ADAM19: variants seen among roughly 807,000 people sequenced by gnomAD.
ADAM19 encodes ADAM metallopeptidase domain 19, also known as disintegrin and metalloproteinase domain-containing protein 19.
ADAM19 carries 65 observed loss-of-function variants against 114.7 expected under a neutral mutation model. The ratio of observed to expected loss-of-function variants is 0.57; its 90% confidence interval spans 0.46 to 0.70. ADAM19 has a LOEUF of 0.70. Ranked by LOEUF, ADAM19 falls within the 30% of genes least tolerant of loss-of-function variation. The probability of loss-of-function intolerance (pLI) is 0.00; values close to 1 mark genes in which losing one functional copy is unlikely to be tolerated. For missense variants in ADAM19, 1,063 were observed against 1,204.7 expected, an observed-to-expected ratio of 0.88 and a Z score of 1.74; for synonymous variants, 466 against 460.5, an observed-to-expected ratio of 1.01 and a Z score of -0.15.
intron 1 of ADAM19, chr5:157,572,360 G>C: frequency 2.3e-6 from 1 of 431,356 alleles, no homozygotes; most frequent in South Asian, 1.6e-5. Flanking sequence ...AAATACTGGC[G>C]GCAGACTATC....
At position 157,490,357 on chromosome 5, in the gene ADAM19, G is replaced by A. The variant is rs1363450853; in HGVS notation, c.2193C>T (p.Gly731=). 6.2e-7 allele frequency: 1 copy of A among 1,614,072 alleles called. No individual in the cohort carries two copies. The highest frequency in any genetic ancestry group is 8.5e-7 in the Non-Finnish European group (1 of 1,180,026). Residue 731 remains glycine (G), a synonymous_variant, in exon 19 of 23, where the codon GGC becomes GGT. Coordinates refer to ENST00000257527, the MANE Select transcript of ADAM19 (RefSeq NM_033274.5). ...AAGGGAGAGCTGAGGGCTTGAGTTG[G>A]CCTAGTTTGTTGTTCTGTCTGCAGC... ...YYCCRQNNKL[G]QLKPSALPSK...
At chr5:157,567,276 T>G (rs1757689494) in intron 2 of ADAM19, among the ~76,000 whole-genome samples, 1 of 152,206 alleles carries the variant, frequency 6.6e-6, no homozygotes, top group Admixed American at 6.5e-5. Flanking sequence ...ATCGTATTAC[T>G]TCATCTCAAG....
chr5:157,545,814 C>T (rs1451997131), intron 3 of ADAM19, among the ~76,000 whole-genome samples: 1 of 152,246 alleles, frequency 6.6e-6, no homozygotes, highest in African/African-American at 2.4e-5. Flanking sequence ...GAGAAAGGCT[C>T]TTCATGCAAT....
rs755087118 is a variant in ADAM19 at position 157,499,637 on chromosome 5, G to C, written c.1334C>G (p.Ala445Gly). The C allele has an allele frequency of 6.2e-7, 1 of 1,612,646 alleles. No individual in the cohort carries two copies. The highest frequency in any genetic ancestry group is 8.5e-7 in the Non-Finnish European group (1 of 1,179,540). The stretch of plus-strand genomic sequence containing the variant: ...CCCCGGCCTCAGGGTACAATTAGAG[G>C]CATTGCAGCAGGGGTTGTTACATTC... Reference protein sequence around the residue: ...EEECNNPCCNASNCTLRPGAE... With the variant: ...EEECNNPCCNGSNCTLRPGAE... The change falls in exon 13 of 23, where the codon GCC becomes GGC. Residue 445 changes from alanine (A) to glycine (G), a missense_variant. This residue lies in a region of ADAM19 where 615 missense variants were observed against 706.3 expected (regional missense o/e 0.87). Coordinates refer to ENST00000257527, the MANE Select transcript of ADAM19 (RefSeq NM_033274.5).
chr5:157,504,655 C>T (rs925856225), intron 11 of ADAM19, among the ~76,000 whole-genome samples: 1 of 152,168 alleles, frequency 6.6e-6, no homozygotes, highest in African/African-American at 2.4e-5. Flanking sequence ...ACACCATTCT[C>T]TAAGAATCAT....
At chr5:157,491,530 G>T in intron 18 of ADAM19, 85 bp downstream of exon 18, 1 of 946,718 alleles carries the variant, frequency 1.1e-6, no homozygotes, top group Non-Finnish European at 1.5e-6. Context: ...CTGATTCAAT[G>T]TGGATGCTCT....
In ADAM19 at chr5:157,493,129, G is replaced by A. The variant is rs1191256148; in HGVS notation, c.1752C>T (p.Pro584=). ...CAATGGGCACCGCGTTGGACTCCAG[G>A]GGCCGGGCCTCAGAGCTCTGACACT... ...KIQCQSSEAR[P]LESNAVPIDT... is the part of the protein sequence containing the mutation. Residue 584 remains proline (P), a synonymous_variant, in exon 16 of 23, where the codon CCC becomes CCT. Coordinates refer to ENST00000257527, the MANE Select transcript of ADAM19 (RefSeq NM_033274.5). 2 of 1,614,188 alleles carry A rather than the reference G, an allele frequency of 1.2e-6. No homozygotes were observed. Among genetic ancestry groups the A allele is most frequent in the Admixed American group, 1.7e-5 (1 of 60,018 alleles).
At chr5:157,533,325 G>A (rs1756674350) in intron 4 of ADAM19, among the ~76,000 whole-genome samples, 1 of 152,230 alleles carries the variant, frequency 6.6e-6, no homozygotes, top group African/African-American at 2.4e-5. Context: ...CCACCCTTGA[G>A]AGGAGCACAA....
rs1757226960 is a variant in ADAM19, at chr5:157,552,459, C to T, written c.251+11914G>A. Reference sequence around the variant, plus strand: ...CTGAGCTTAGGAGTTCAAGCCCAGCCTGGGCAACAGGAGTTTGAGACCAGC... The same window carrying T: ...CTGAGCTTAGGAGTTCAAGCCCAGCTTGGGCAACAGGAGTTTGAGACCAGC... On this transcript the variant is annotated intron_variant, in intron 3 of 22. Transcript: ENST00000257527. Among the ~76,000 whole-genome samples the T allele has an allele frequency of 2.0e-5, 3 of 151,940 alleles. No individual in the cohort carries two copies. The South Asian group carries it at 6.2e-4, about 32-fold the overall frequency.
intron 1 of ADAM19, among the ~76,000 whole-genome samples, chr5:157,574,880 G>A (rs1020848626): frequency 6.6e-6 from 1 of 152,222 alleles, no homozygotes; most frequent in African/African-American, 2.4e-5. Flanking sequence ...GGCGGCCGTC[G>A]GGTTGGCGTG....
At chr5:157,487,425 C>T (rs115983451) in intron 21 of ADAM19, among the ~76,000 whole-genome samples, 6 of 152,314 alleles carry the variant, frequency 3.9e-5, no homozygotes, top group African/African-American at 1.4e-4. Context: ...GGGTCAGAGA[C>T]AGCTTGGGTT....
At chr5:157,534,190 G>A (rs1221789492) in intron 4 of ADAM19, among the ~76,000 whole-genome samples, 5 of 152,010 alleles carry the variant, frequency 3.3e-5, no homozygotes, top group African/African-American at 7.2e-5. Context: ...GTAAGAGGTC[G>A]GGTGGGGTGG....
rs199504348 is a variant in ADAM19, at chr5:157,519,989, C to T, written c.450G>A (p.Glu150=). ...GTTGGCCCTTGCTGTCAGGGAGGGGCTCGATGACGTAGCTGAGGTTGCTGC... is the reference window on the plus strand; with the variant it reads ...GTTGGCCCTTGCTGTCAGGGAGGGGTTCGATGACGTAGCTGAGGTTGCTGC... ...TVSSNLSYVI[E]PLPDSKGQHL... is the part of the protein sequence containing the mutation. Residue 150 remains glutamate (E), a synonymous_variant, in exon 6 of 23, where the codon GAG becomes GAA. Coordinates refer to ENST00000257527, the MANE Select transcript of ADAM19 (RefSeq NM_033274.5). 5 of 1,614,100 alleles carry T rather than the reference C, an allele frequency of 3.1e-6. No individual in the cohort carries two copies. The highest frequency in any genetic ancestry group is 2.2e-5 in the East Asian group (1 of 44,870).
intron 3 of ADAM19, among the ~76,000 whole-genome samples, chr5:157,555,317 T>A (rs909487433): frequency 2.0e-5 from 3 of 152,240 alleles, no homozygotes; most frequent in African/African-American, 7.2e-5. Context: ...AGGCATCTCC[T>A]ACTTTTTAGC....
Position 157,523,184 on chromosome 5 carries a change from C to A in ADAM19, c.408-3153G>T, listed in dbSNP as rs976718348. On this transcript the variant is annotated intron_variant, in intron 5 of 22. Transcript: ENST00000257527. ...AGATTTAAGGTCCACAGACTCTGGA[C>A]CCCATCCCCTTAGCCTCTGTGCTTT... Among the ~76,000 whole-genome samples, 5 of 152,120 alleles carry A rather than the reference C, an allele frequency of 3.3e-5. No individual in the cohort carries two copies. In the East Asian group the frequency reaches 9.6e-4, roughly 29 times the overall value.
At chr5:157,503,489 T>TA (rs60755016) in intron 11 of ADAM19, among the ~76,000 whole-genome samples, 40,763 of 139,026 alleles carry the variant, frequency 0.29, 6,283 homozygotes, top group East Asian at 0.79. Context: ...ACTTAAAGTA[T>TA]AAAAAAAAAA....
At chr5:157,511,661 A>T (rs554091189) in intron 8 of ADAM19, among the ~76,000 whole-genome samples, 1 of 152,302 alleles carries the variant, frequency 6.6e-6, no homozygotes, top group East Asian at 1.9e-4. Flanking sequence ...GCTTTTTTTC[A>T]CAGTTACAGA....
chr5:157,492,448 T>C (rs944306640), intron 16 of ADAM19, among the ~76,000 whole-genome samples: 2 of 152,212 alleles, frequency 1.3e-5, no homozygotes, highest in Admixed American at 1.3e-4. Flanking sequence ...AAATATATTG[T>C]TAAAGTATCA....
chr5:157,517,643 T>C (rs1405735200), intron 7 of ADAM19, among the ~76,000 whole-genome samples: 1 of 152,200 alleles, frequency 6.6e-6, no homozygotes, highest in African/African-American at 2.4e-5. Flanking sequence ...ACCTACAGGT[T>C]TGTGTGCTGT....
Sources: allele counts gnomAD v4.1 joint callset (sites outside exome capture counted in the v4.1 genomes callset), GRCh38; gene constraint gnomAD v4.1.1; regional missense constraint gnomAD v4.1.1; transcripts MANE v1.5; gene names NCBI Gene and HGNC (gene_info 2026-07-23, HGNC 2026-07-21).